Variants in PRKD1 observed in about 807,000 individuals in gnomAD.
PRKD1 encodes the protein protein kinase D1, also known as serine/threonine-protein kinase D1.
PRKD1 carries 63 observed loss-of-function variants against 95.9 expected under a neutral mutation model. The ratio of observed to expected loss-of-function variants is 0.66; its 90% CI spans 0.54 to 0.81. PRKD1 has a LOEUF of 0.81. Ranked by LOEUF, PRKD1 falls within the 30% of genes least tolerant of loss-of-function variation. The pLI is 0.00. For synonymous variants in PRKD1, 425 were observed against 423.1 expected (o/e 1.00, Z -0.05); for missense variants, 1,048 against 1,165.3 (o/e 0.90, Z 1.47).
intron 4 of PRKD1, among the ~76,000 whole-genome samples, chr14:29,662,055 A>G (rs1241085869): frequency 1.3e-5 from 2 of 151,878 alleles, no homozygotes; most frequent in African/African-American, 2.4e-5. Flanking sequence ...ATTTGGTTTT[A>G]TTGCTTTTAT....
At chr14:29,786,336 G>A (rs1184274457) in intron 1 of PRKD1, among the ~76,000 whole-genome samples, 5 of 152,146 alleles carry the variant, frequency 3.3e-5, no homozygotes, top group Middle Eastern at 3.4e-3. Flanking sequence ...TTTTGGTGTC[G>A]AGGGAATGCT....
chr14:29,787,840 G>A (rs1889345286), intron 1 of PRKD1, among the ~76,000 whole-genome samples: 1 of 152,074 alleles, frequency 6.6e-6, no homozygotes, highest in African/African-American at 2.4e-5. Context: ...TACATTCAAG[G>A]TTGCTATTGA....
intron 1 of PRKD1, among the ~76,000 whole-genome samples, chr14:29,801,012 T>C (rs1200634197): frequency 6.6e-6 from 1 of 152,194 alleles, no homozygotes; most frequent in Non-Finnish European, 1.5e-5. Flanking sequence ...TCTATTTAAC[T>C]GTCAGAACCT....
chr14:29,739,408 T>G (rs1227250350), intron 1 of PRKD1, among the ~76,000 whole-genome samples: 1 of 152,204 alleles, frequency 6.6e-6, no homozygotes, highest in African/African-American at 2.4e-5. Context: ...GTTCAAAATC[T>G]GATTGTTTAA....
chr14:29,641,681 T>TA (rs1460991487), intron 4 of PRKD1, among the ~76,000 whole-genome samples: 1 of 152,144 alleles, frequency 6.6e-6, no homozygotes, highest in African/African-American at 2.4e-5. Flanking sequence ...CATTATCTGA[T>TA]GAGTCCCTAA....
At chr14:29,900,076 C>A (rs1594613653) in intron 1 of PRKD1, among the ~76,000 whole-genome samples, 1 of 152,204 alleles carries the variant, frequency 6.6e-6, no homozygotes, top group African/African-American at 2.4e-5. Flanking sequence ...CCATGCAGAA[C>A]TGTGAGTCAA....
intron 1 of PRKD1, among the ~76,000 whole-genome samples, chr14:29,784,018 G>T (rs1363717390): frequency 6.6e-6 from 1 of 152,090 alleles, no homozygotes; most frequent in Admixed American, 6.5e-5. Context: ...CTGTGCTTTT[G>T]CAACCTTAGC....
rs539601175 is a variant in PRKD1, at chr14:29,850,529, G to T, written c.264+76720C>A. Among the ~76,000 whole-genome samples the T allele has an allele frequency of 2.6e-5, 4 of 151,524 alleles. No homozygotes were observed. The South Asian group carries it at 8.3e-4, about 32-fold the overall frequency. ...TAGGAATACATCTAACCAAGGAGTT[G>T]AAAGATCTCTAGGAGGATAACTACA... is the stretch of plus-strand genomic sequence containing the variant. On this transcript the variant is annotated intron_variant, in intron 1 of 17. Transcript: ENST00000331968.
Position 29,783,598 on chromosome 14 carries a change from T to C in PRKD1, c.265-57924A>G, listed in dbSNP as rs180871620. The stretch of plus-strand genomic sequence containing the variant: ...CATACATTTACCAAAATAGCTATAC[T>C]AATTTACATTCCCATCAATAGTGTA... On this transcript the variant is annotated intron_variant, in intron 1 of 17. Coordinates refer to ENST00000331968, the MANE Select transcript of PRKD1 (RefSeq NM_002742.3). Among the ~76,000 whole-genome samples the C allele has an allele frequency of 1.1e-4, 17 of 152,362 alleles. No individual in the cohort carries two copies. In the South Asian group the frequency reaches 2.5e-3, roughly 22 times the overall value.
intron 16 of PRKD1, 126 bp downstream of exon 16, chr14:29,597,365 T>A: frequency 9.9e-7 from 1 of 1,011,220 alleles, no homozygotes; most frequent in Non-Finnish European, 1.4e-6. Flanking sequence ...TCTTTGTGTC[T>A]CCACTCTGGT....
intron 1 of PRKD1, among the ~76,000 whole-genome samples, chr14:29,893,054 C>T (rs959729879): frequency 6.6e-6 from 1 of 152,116 alleles, no homozygotes; most frequent in Non-Finnish European, 1.5e-5. Flanking sequence ...TCTGAAATGG[C>T]TAGTAATGGA....
intron 16 of PRKD1, among the ~76,000 whole-genome samples, chr14:29,594,520 A>G (rs1455544816): frequency 6.6e-6 from 1 of 152,156 alleles, no homozygotes; most frequent in Non-Finnish European, 1.5e-5. Flanking sequence ...ATCATTTCCC[A>G]TTTTACAGAT....
intron 1 of PRKD1, among the ~76,000 whole-genome samples, chr14:29,854,571 C>T (rs113948094): frequency 0.023 from 3,466 of 152,224 alleles, 102 homozygotes; most frequent in East Asian, 0.099. Context: ...GAAAATCTGC[C>T]GCCTGACAAT....
chr14:29,587,304 G>C (rs973857550), intron 16 of PRKD1, among the ~76,000 whole-genome samples: 22 of 152,310 alleles, frequency 1.4e-4, no homozygotes, highest in Non-Finnish European at 2.1e-4. Flanking sequence ...GAGCCGTACA[G>C]GGGTTAGATA....
intron 2 of PRKD1, among the ~76,000 whole-genome samples, chr14:29,674,830 A>T (rs1286915756): frequency 1.3e-5 from 2 of 152,234 alleles, no homozygotes; most frequent in African/African-American, 4.8e-5. Flanking sequence ...CAGGACAAAT[A>T]GCATCACTGT....
At chr14:29,847,385 T>A (rs1359509317) in intron 1 of PRKD1, among the ~76,000 whole-genome samples, 1 of 152,118 alleles carries the variant, frequency 6.6e-6, no homozygotes, top group Non-Finnish European at 1.5e-5. Context: ...ATATACAACA[T>A]GAGGTTCTTT....
chr14:29,612,031 A>G (rs1479797269), intron 13 of PRKD1, among the ~76,000 whole-genome samples: 1 of 152,176 alleles, frequency 6.6e-6, no homozygotes, highest in African/African-American at 2.4e-5. Context: ...AAAGCATAAC[A>G]TTCCATGATA....
intron 1 of PRKD1, among the ~76,000 whole-genome samples, chr14:29,773,590 G>C (rs1248648762): frequency 6.6e-6 from 1 of 151,940 alleles, no homozygotes; most frequent in Non-Finnish European, 1.5e-5. Flanking sequence ...GTGCTCATCA[G>C]ATCTGTTTGT....
At chr14:29,626,623 A>C in intron 11 of PRKD1, 67 bp from the exon 12 acceptor site, 1 of 912,376 alleles carries the variant, frequency 1.1e-6, no homozygotes, top group Non-Finnish European at 1.6e-6. Flanking sequence ...AAAAATTAAT[A>C]TAATTCTATT....
Sources: allele counts gnomAD v4.1 joint callset (sites outside exome capture counted in the v4.1 genomes callset), GRCh38; gene constraint gnomAD v4.1.1; transcripts MANE v1.5; gene names NCBI Gene and HGNC (gene_info 2026-07-23, HGNC 2026-07-21).